Variants in GABRA2 observed in about 807,000 individuals in gnomAD.
GABRA2 encodes the protein gamma-aminobutyric acid receptor subunit alpha-2.
Under a neutral mutation model 48.7 loss-of-function variants are expected in GABRA2, and 16 were observed. The ratio of observed to expected loss-of-function variants is 0.33; its 90% CI spans 0.22 to 0.50. The LOEUF is 0.50. Among genes scored for constraint, GABRA2 ranks in the 20% least tolerant of loss-of-function variants. The pLI, the probability that GABRA2 is intolerant of heterozygous loss-of-function variation, is 0.98. For missense variants in GABRA2, 275 were observed against 535.6 expected (o/e 0.51, Z 4.80); for synonymous variants, 185 against 184.5 (o/e 1.00, Z -0.02).
At chr4:46,361,306 G>A (rs1713145903) in intron 3 of GABRA2, among the ~76,000 whole-genome samples, 1 of 152,130 alleles carries the variant, frequency 6.6e-6, no homozygotes, top group Non-Finnish European at 1.5e-5. Context: ...TAGGGACTTG[G>A]TGCCCTGCAT....
At chr4:46,324,569 TTC>T (rs1448159587) in intron 4 of GABRA2, among the ~76,000 whole-genome samples, 2 of 152,000 alleles carry the variant, frequency 1.3e-5, no homozygotes, top group African/African-American at 4.8e-5. Context: ...AGTTTTTTTT[TTC>T]TTTTGTCAAC....
intron 8 of GABRA2, among the ~76,000 whole-genome samples, chr4:46,282,952 A>C (rs1253392472): frequency 6.6e-6 from 1 of 152,176 alleles, no homozygotes; most frequent in Non-Finnish European, 1.5e-5. Flanking sequence ...TAAGGTACAG[A>C]GGGGTTAAGA....
chr4:46,301,066 TA>T (rs1212395456), intron 8 of GABRA2, among the ~76,000 whole-genome samples: 18 of 152,140 alleles, frequency 1.2e-4, no homozygotes, highest in Admixed American at 3.3e-4. Flanking sequence ...CATGTGACTA[TA>T]GCTAACAATG....
chr4:46,356,075 C>A (rs1019147496), intron 3 of GABRA2, among the ~76,000 whole-genome samples: 3 of 152,140 alleles, frequency 2.0e-5, no homozygotes, highest in African/African-American at 7.2e-5. Flanking sequence ...CCCTGTTAAT[C>A]ATTAAGGGAC....
rs1713955662 is a variant in GABRA2, at chr4:46,247,599, T to A, written c.*2709A>T. On this transcript the variant is annotated 3_prime_UTR_variant, in exon 10 of 10. Transcript: ENST00000381620. ...ACATTTTGTACATACCATAACTCTT[T>A]ATGTCATTGTACAACTGCATAAAAT... Among the ~76,000 whole-genome samples, 1 of 151,298 alleles carries A rather than the reference T, an allele frequency of 6.6e-6. No homozygotes were observed. The highest frequency in any genetic ancestry group is 1.5e-5 in the Non-Finnish European group (1 of 67,478).
chr4:46,330,591 T>TATAGAGAGAGAGCGAG (rs1411755120), intron 4 of GABRA2, among the ~76,000 whole-genome samples: 1 of 122,696 alleles, frequency 8.2e-6, no homozygotes, highest in East Asian at 3.1e-4. Flanking sequence ...TATATATATA[T>TATAGAGAGAGAGCGAG]AGAGAGAGAG....
intron 4 of GABRA2, among the ~76,000 whole-genome samples, chr4:46,327,530 G>T (rs927962559): frequency 6.6e-6 from 1 of 151,872 alleles, no homozygotes; most frequent in Non-Finnish European, 1.5e-5. Flanking sequence ...GATACAAAGG[G>T]TTTGCCATGT....
chr4:46,269,196 T>C (rs1718822934), intron 8 of GABRA2, among the ~76,000 whole-genome samples: 1 of 151,930 alleles, frequency 6.6e-6, no homozygotes, highest in Admixed American at 6.6e-5. Context: ...GTATTTCTAA[T>C]ATTCTCATTA....
chr4:46,353,505 G>A (rs1173441434), intron 3 of GABRA2, among the ~76,000 whole-genome samples: 1 of 152,084 alleles, frequency 6.6e-6, no homozygotes, highest in Non-Finnish European at 1.5e-5. Context: ...TGGCCAGCAA[G>A]GCCATAAGTA....
At chr4:46,313,116 C>CAAAT (rs199996713) in intron 4 of GABRA2, among the ~76,000 whole-genome samples, 11,577 of 134,348 alleles carry the variant, frequency 0.086, 570 homozygotes, top group Admixed American at 0.14. Context: ...TTCCCAGTAG[C>CAAAT]AAATAAATAA....
Position 46,368,155 on chromosome 4 carries a change from C to T in GABRA2, c.187+17919G>A, listed in dbSNP as rs368606669. ...CCAACCTCAGTGGACAAGGTTGGAT[C>T]GTGAGCAAGATACATGATCGAGAGA... is the stretch of plus-strand genomic sequence containing the variant. On this transcript the variant is annotated intron_variant, in intron 3 of 9. Transcript: ENST00000381620. 4 of 152,066 alleles carry T rather than the reference C, an allele frequency of 2.6e-5. No homozygotes were observed. In the East Asian group the frequency reaches 7.7e-4, roughly 29 times the overall value. 9.4% of individuals were successfully genotyped at this position (152,066 alleles called of 1,614,324 possible). A position where few individuals can be genotyped will look rare whatever the true frequency, so the allele number is the denominator to read the frequency against.
chr4:46,289,878 A>ATTTT (rs1209559945), intron 8 of GABRA2, among the ~76,000 whole-genome samples: 3 of 129,048 alleles, frequency 2.3e-5, no homozygotes, highest in African/African-American at 1.2e-4. Flanking sequence ...ATACCAGTTT[A>ATTTT]TTTTATTTAT....
chr4:46,385,045 C>T (rs1717252768), intron 3 of GABRA2, among the ~76,000 whole-genome samples: 1 of 149,300 alleles, frequency 6.7e-6, no homozygotes, highest in African/African-American at 2.4e-5. Context: ...TTTTTTCTTA[C>T]CCATGGACAA....
chr4:46,273,446 T>TCTCG (rs1295873059), intron 8 of GABRA2, among the ~76,000 whole-genome samples: 2 of 21,076 alleles, frequency 9.5e-5, no homozygotes, highest in Non-Finnish European at 1.7e-4. Flanking sequence ...ATTTAGACAG[T>TCTCG]CTCTCTATAG....
intron 3 of GABRA2, among the ~76,000 whole-genome samples, chr4:46,344,073 C>T (rs999161632): frequency 7.3e-5 from 11 of 151,494 alleles, no homozygotes; most frequent in Admixed American, 4.6e-4. Flanking sequence ...TAATTGGAGT[C>T]CAAAAAGTAG....
intron 3 of GABRA2, among the ~76,000 whole-genome samples, chr4:46,337,220 T>C (rs535674782): frequency 2.0e-4 from 30 of 152,202 alleles, no homozygotes; most frequent in Middle Eastern, 3.4e-3. Context: ...TCAATGCCCA[T>C]AGAAGCATAT....
rs200237999 is a variant in GABRA2 at position 46,389,235 on chromosome 4, T to C, written c.-11+500A>G. Reference sequence around the variant, plus strand: ...CTTTTGCAATTACTCTACATTACAGTGAACTGCGGTCCTCACGTCTTCTTT... The same window carrying C: ...CTTTTGCAATTACTCTACATTACAGCGAACTGCGGTCCTCACGTCTTCTTT... On this transcript the variant is annotated intron_variant, in intron 1 of 9. Transcript: ENST00000381620. The C allele has an allele frequency of 7.1e-6, 7 of 985,910 alleles. No homozygotes were observed. In the Admixed American group the frequency reaches 3.7e-4, roughly 52 times the overall value. The allele number at this position is 985,910 out of a possible 1,614,324, so 61.1% of individuals were successfully genotyped here. A position where few individuals can be genotyped will look rare whatever the true frequency, so the allele number is the denominator to read the frequency against.
chr4:46,290,030 G>A (rs1723315393), intron 8 of GABRA2, among the ~76,000 whole-genome samples: 1 of 150,514 alleles, frequency 6.6e-6, no homozygotes, highest in Non-Finnish European at 1.5e-5. Context: ...TCCTGCCTCA[G>A]CCTCCAGAGT....
At chr4:46,290,469 G>C (rs2109530808) in intron 8 of GABRA2, among the ~76,000 whole-genome samples, 1 of 151,960 alleles carries the variant, frequency 6.6e-6, no homozygotes, top group South Asian at 2.1e-4. Context: ...AGTTTTCAGT[G>C]GACAAGTCTT....
Sources: gnomAD v4.1 joint callset for allele counts (sites outside exome capture counted in the v4.1 genomes callset) on GRCh38, gnomAD v4.1.1 for gene constraint, MANE v1.5 for transcripts, NCBI Gene and HGNC (gene_info 2026-07-23, HGNC 2026-07-21) for gene names.